Variants in HACD3 observed in about 807,000 individuals in gnomAD.
HACD3 encodes very-long-chain (3R)-3-hydroxyacyl-CoA dehydratase 3.
A neutral mutation model predicts 55.2 loss-of-function variants in HACD3; 30 were observed. The observed-to-expected ratio is 0.54, with a 90% CI of 0.41 to 0.74. The LOEUF (loss-of-function observed/expected upper bound fraction) is 0.74, where lower values mean the gene tolerates loss of function less well. Among genes scored for constraint, HACD3 ranks in the 30% least tolerant of loss-of-function variants. The probability of loss-of-function intolerance (pLI) is 0.00; values close to 1 mark genes in which losing one functional copy is unlikely to be tolerated. For missense variants in HACD3, 363 were observed against 440.1 expected (o/e 0.82, Z 1.57); for synonymous variants, 141 against 151.7 (o/e 0.93, Z 0.52).
At chr15:65,544,913 C>T (rs549778960) in intron 1 of HACD3, among the ~76,000 whole-genome samples, 3 of 151,242 alleles carry the variant, frequency 2.0e-5, no homozygotes, top group Non-Finnish European at 2.9e-5. Flanking sequence ...CCCAGCTGCT[C>T]GGGAGGCTGA....
intron 1 of HACD3, among the ~76,000 whole-genome samples, chr15:65,538,772 C>G (rs1415687065): frequency 6.6e-6 from 1 of 152,174 alleles, no homozygotes; most frequent in Non-Finnish European, 1.5e-5. Flanking sequence ...TGTTGTCCTC[C>G]TTTAAGAAAT....
intron 5 of HACD3, among the ~76,000 whole-genome samples, chr15:65,559,972 G>C (rs886488663): frequency 1.3e-5 from 2 of 151,864 alleles, no homozygotes; most frequent in African/African-American, 4.8e-5. Context: ...TTGTAGTTTT[G>C]AAGAAATAAC....
chr15:65,543,134 CCTAA>C (rs1297453884), intron 1 of HACD3, among the ~76,000 whole-genome samples: 2 of 150,716 alleles, frequency 1.3e-5, no homozygotes, highest in African/African-American at 4.9e-5. Flanking sequence ...ACCAAAAGGA[CCTAA>C]CTGTGTATCA....
intron 1 of HACD3, among the ~76,000 whole-genome samples, chr15:65,541,647 A>G (rs1444983024): frequency 6.6e-6 from 1 of 152,184 alleles, no homozygotes; most frequent in Non-Finnish European, 1.5e-5. Context: ...TGGCATAGTG[A>G]CCTGTCATTA....
intron 2 of HACD3, chr15:65,551,927 C>A: frequency 1.0e-5 from 5 of 477,908 alleles, no homozygotes; most frequent in Non-Finnish European, 1.8e-5. Flanking sequence ...CATGGAGAGG[C>A]AGTAGATACA....
In HACD3 at chr15:65,530,532, C is replaced by T; in HGVS notation, c.-100C>T. Reference sequence around the variant, plus strand: ...GCCGGGTTGCAGGCGCTCAGGAGCGCTAGGGTTTGAGGCCTGCTTTCTGCT... The same window carrying T: ...GCCGGGTTGCAGGCGCTCAGGAGCGTTAGGGTTTGAGGCCTGCTTTCTGCT... On this transcript the variant is annotated 5_prime_UTR_variant, in exon 1 of 11. Coordinates refer to ENST00000261875, the MANE Select transcript of HACD3 (RefSeq NM_016395.4). 9.0e-7 allele frequency: 1 copy of T among 1,112,012 alleles called. No homozygotes were observed. Among genetic ancestry groups the T allele is most frequent in the South Asian group, 1.5e-5 (1 of 65,044 alleles). 68.9% of individuals were successfully genotyped at this position (1,112,012 alleles called of 1,614,324 possible). A position where few individuals can be genotyped will look rare whatever the true frequency, so the allele number is the denominator to read the frequency against.
Position 65,547,372 on chromosome 15 carries a change from C to T in HACD3, c.88-4304C>T, listed in dbSNP as rs111339788. 8.9e-3 allele frequency among the ~76,000 whole-genome samples: 1,354 copies of T among 152,288 alleles called. 21 individuals are homozygous for T. The highest frequency in any genetic ancestry group is 0.031 in the African/African-American group (1,302 of 41,552). ...CCTCATGATCCACCCACCTTGGCCT[C>T]CCAAAGTGCTGGGATTACAGGCATG... On this transcript the variant is annotated intron_variant, in intron 1 of 10. Coordinates refer to ENST00000261875, the MANE Select transcript of HACD3 (RefSeq NM_016395.4).
intron 1 of HACD3, among the ~76,000 whole-genome samples, chr15:65,537,929 T>G: frequency 1.7e-5 from 2 of 116,592 alleles, no homozygotes; most frequent in East Asian, 2.7e-4. Flanking sequence ...GAGGCCAACT[T>G]CTCAGAAAAA....
At chr15:65,567,992 G>C (rs1210779589) in intron 7 of HACD3, among the ~76,000 whole-genome samples, 1 of 151,012 alleles carries the variant, frequency 6.6e-6, no homozygotes, top group East Asian at 1.9e-4. Flanking sequence ...GCACAATCTA[G>C]GCTCACTGCA....
chr15:65,531,224 TGGGG>T (rs1204891577), intron 1 of HACD3: 2 of 18,450 alleles, frequency 1.1e-4, no homozygotes, highest in Non-Finnish European at 2.2e-4. Context: ...GGGGGAGGGG[TGGGG>T]GGCCACACCC....
Position 65,563,689 on chromosome 15 carries a change from G to A in HACD3, c.533-526G>A, listed in dbSNP as rs1596215909. Among the ~76,000 whole-genome samples the A allele has an allele frequency of 3.3e-5, 5 of 152,204 alleles. No homozygotes were observed. In the South Asian group the frequency reaches 1.0e-3, roughly 32 times the overall value. ...GACTCTTAAAAAAATTTAGAAAGGTGGCTGTGCGTGGTGGCTCACGCCTGT... is the reference window on the plus strand; with the variant it reads ...GACTCTTAAAAAAATTTAGAAAGGTAGCTGTGCGTGGTGGCTCACGCCTGT... On this transcript the variant is annotated intron_variant, in intron 6 of 10. Coordinates refer to ENST00000261875, the MANE Select transcript of HACD3 (RefSeq NM_016395.4).
intron 8 of HACD3, 49 bp from the exon 9 acceptor site, chr15:65,571,499 T>C (rs1162736984): frequency 7.3e-7 from 1 of 1,361,044 alleles, no homozygotes; most frequent in South Asian, 1.2e-5. Context: ...TAAGGTTGCA[T>C]TCGGAACCTG....
At chr15:65,548,011 TGAG>T (rs762822486) in intron 1 of HACD3, among the ~76,000 whole-genome samples, 1 of 151,802 alleles carries the variant, frequency 6.6e-6, no homozygotes, top group South Asian at 2.1e-4. Flanking sequence ...GATGTTAGGG[TGAG>T]GAGGAGAGAA....
In HACD3 at chr15:65,576,576, T is replaced by A. The variant is rs1008135726; in HGVS notation, c.*197T>A. 1 of 632,898 alleles carries A rather than the reference T, an allele frequency of 1.6e-6. No homozygotes were observed. The allele number at this position is 632,898 out of a possible 1,614,324, so 39.2% of individuals were successfully genotyped here. A position where few individuals can be genotyped will look rare whatever the true frequency, so the allele number is the denominator to read the frequency against. On this transcript the variant is annotated 3_prime_UTR_variant, in exon 11 of 11. Transcript: ENST00000261875. ...ACTTGCATGACATGGATTCCTGATA[T>A]CTGATGAGAGGTTCATTCTTGTGTA...
chr15:65,554,711 C>A (rs1474280792), intron 2 of HACD3, among the ~76,000 whole-genome samples, 176 bp from the exon 3 acceptor site: 1 of 151,966 alleles, frequency 6.6e-6, no homozygotes, highest in Non-Finnish European at 1.5e-5. Flanking sequence ...GGAGGCGGAG[C>A]TTGCAGTGAG....
intron 8 of HACD3, among the ~76,000 whole-genome samples, chr15:65,570,884 T>C (rs2072341205): frequency 6.6e-6 from 1 of 152,214 alleles, no homozygotes; most frequent in Admixed American, 6.5e-5. Context: ...AATTGTGTCT[T>C]AACCATGGTC....
chr15:65,547,735 A>G (rs1382125014), intron 1 of HACD3, among the ~76,000 whole-genome samples: 1 of 152,250 alleles, frequency 6.6e-6, no homozygotes, highest in African/African-American at 2.4e-5. Context: ...TGAGAAAGGA[A>G]ACTCTTGTCT....
At chr15:65,551,637 A>G (rs2072134204) in intron 1 of HACD3, 39 bp from the exon 2 acceptor site, 2 of 1,612,648 alleles carry the variant, frequency 1.2e-6, no homozygotes, top group African/African-American at 1.3e-5. Flanking sequence ...TTTTCTCTTC[A>G]TTAAAATGCC....
chr15:65,572,483 G>T lies in HACD3; in HGVS notation c.1012+117G>T, dbSNP rs2072357656. On this transcript the variant is annotated intron_variant, in intron 10 of 10. Coordinates refer to ENST00000261875, the MANE Select transcript of HACD3 (RefSeq NM_016395.4). ...TTCTTTTGGGACAGAATTAGAGAATGATTACTTTGCAAAAACAGACCCACT... is the reference window on the plus strand; with the variant it reads ...TTCTTTTGGGACAGAATTAGAGAATTATTACTTTGCAAAAACAGACCCACT... 3 of 1,248,952 alleles carry T rather than the reference G, an allele frequency of 2.4e-6. No homozygotes were observed. In the Admixed American group the frequency reaches 9.6e-5, roughly 40 times the overall value. The allele number at this position is 1,248,952 out of a possible 1,614,324, so 77.4% of individuals were successfully genotyped here.
Sources: gnomAD v4.1 joint callset for allele counts (sites outside exome capture counted in the v4.1 genomes callset) on GRCh38, gnomAD v4.1.1 for gene constraint, MANE v1.5 for transcripts, NCBI Gene and HGNC (gene_info 2026-07-23, HGNC 2026-07-21) for gene names.